TERT: variants seen among roughly 807,000 people sequenced by gnomAD.
The protein encoded by TERT is telomerase reverse transcriptase.
TERT carries 42 observed loss-of-function variants against 104.0 expected under a neutral mutation model. That is an observed-to-expected ratio of 0.40 (90% CI 0.32 to 0.52). The LOEUF is 0.52. TERT is among the 20% of genes least tolerant of loss of function. The pLI, the probability that TERT is intolerant of heterozygous loss-of-function variation, is 0.43. For synonymous variants in TERT, 781 were observed against 725.6 expected (o/e 1.08, Z -1.23); for missense variants, 1,101 against 1,610.3 (o/e 0.68, Z 5.41).
chr5:1,289,165 G>GACAGT (rs1435719511), intron 2 of TERT, among the ~76,000 whole-genome samples: 1 of 150,440 alleles, frequency 6.6e-6, no homozygotes. Flanking sequence ...GACACCCGGG[G>GACAGT]GCCGCAACTC....
At position 1,256,265 on chromosome 5, in the gene TERT, C is replaced by T. The variant is rs898701350; in HGVS notation, c.3033-854G>A. On this transcript the variant is annotated intron_variant, in intron 13 of 15. Transcript: ENST00000310581. The surrounding 1 kb of genome is among the most constrained non-coding windows in gnomAD (Gnocchi z 7.0). ...CTGGGCTCAAGGGATCCTCTCGCCTCGGCCTCCCAAAGTGCTGGGACTACA... is the reference window on the plus strand; with the variant it reads ...CTGGGCTCAAGGGATCCTCTCGCCTTGGCCTCCCAAAGTGCTGGGACTACA... Among the ~76,000 whole-genome samples the T allele has an allele frequency of 2.0e-5, 3 of 152,140 alleles. No homozygotes were observed. Among genetic ancestry groups the T allele is most frequent in the Admixed American group, 6.5e-5 (1 of 15,270 alleles).
rs1749412835 is a variant in TERT at position 1,274,608 on chromosome 5, T to C, written c.2287-2328A>G. Among the ~76,000 whole-genome samples, 1 of 152,186 alleles carries C rather than the reference T, an allele frequency of 6.6e-6. No homozygotes were observed. Among genetic ancestry groups the C allele is most frequent in the Non-Finnish European group, 1.5e-5 (1 of 68,030 alleles). Reference sequence around the variant, plus strand: ...CTCACGCACAGTTCTCAGTAGGGTGTGTGCGCCTCTGAGCACCGCATGCCA... The same window carrying C: ...CTCACGCACAGTTCTCAGTAGGGTGCGTGCGCCTCTGAGCACCGCATGCCA... On this transcript the variant is annotated intron_variant, in intron 6 of 15. Transcript: ENST00000310581. The surrounding 1 kb of genome is among the most constrained non-coding windows in gnomAD (Gnocchi z 5.3).
chr5:1,266,124 C>T lies in TERT; in HGVS notation c.2654+340G>A, dbSNP rs541693927. 1.0e-3 allele frequency among the ~76,000 whole-genome samples: 154 copies of T among 152,156 alleles called. 1 individual carries two copies. In the Middle Eastern group the frequency reaches 0.031, roughly 30 times the overall value. On this transcript the variant is annotated intron_variant, in intron 10 of 15. Transcript: ENST00000310581. ...CCGCCTCGGCCCTGCAGGCCCTGTG[C>T]ACAGCTCCTGGGGGTCTCACTGGGG... is the stretch of plus-strand genomic sequence containing the variant.
In TERT at chr5:1,262,430, T is replaced by C. The variant is rs1368432046; in HGVS notation, c.2844-1830A>G. Among the ~76,000 whole-genome samples, 1 of 152,234 alleles carries C rather than the reference T, an allele frequency of 6.6e-6. No individual in the cohort carries two copies. The highest frequency in any genetic ancestry group is 1.5e-5 in the Non-Finnish European group (1 of 68,032). On this transcript the variant is annotated intron_variant, in intron 11 of 15. Coordinates refer to ENST00000310581, the MANE Select transcript of TERT (RefSeq NM_198253.3). The surrounding 1 kb of genome is among the most constrained non-coding windows in gnomAD (Gnocchi z 5.6). Reference sequence around the variant, plus strand: ...TAAAATCTGGACAAGAAAATTCCCATCTTACCACTTTTCCTTTTTCACTTT... The same window carrying C: ...TAAAATCTGGACAAGAAAATTCCCACCTTACCACTTTTCCTTTTTCACTTT...
rs1751216239 is a variant in TERT, at chr5:1,294,193, A to G, written c.693T>C (p.Ser231=). 7.6e-6 allele frequency: 12 copies of G among 1,582,238 alleles called. No homozygotes were observed. The highest frequency in any genetic ancestry group is 1.0e-5 in the Non-Finnish European group (12 of 1,168,766). Residue 231 remains serine, a synonymous_variant, in exon 2 of 16, where the codon AGT becomes AGC. Transcript: ENST00000310581. Reference sequence around the variant, plus strand: ...GCCTGGGCCTCTTGGGCAACGGCAGACTTCGGCTGGCACTGCCCCCGCGCC... The same window carrying G: ...GCCTGGGCCTCTTGGGCAACGGCAGGCTTCGGCTGGCACTGCCCCCGCGCC... ...ARRRGGSASR[S]LPLPKRPRRG...
At chr5:1,291,569 A>T (rs1750967883) in intron 2 of TERT, among the ~76,000 whole-genome samples, 1 of 121,984 alleles carries the variant, frequency 8.2e-6, no homozygotes, top group Non-Finnish European at 1.8e-5. Flanking sequence ...ACCGCGCCTC[A>T]CTCACCCTGC....
At position 1,294,361 on chromosome 5, in the gene TERT, C is replaced by T. The variant is rs765709243; in HGVS notation, c.525G>A (p.Leu175=). The T allele has an allele frequency of 1.3e-6, 2 of 1,576,208 alleles. No homozygotes were observed. The highest frequency in any genetic ancestry group is 1.7e-6 in the Non-Finnish European group (2 of 1,168,922). The change falls in exon 2 of 16, where the codon CTG becomes CTA. Residue 175 remains leucine, a synonymous_variant. Transcript: ENST00000310581. ...CCTGAGTGGCAGCGCCGAGCTGGTA[C>T]AGCGGCGGCCCGCACACCTGGTAGG... The part of the protein sequence containing the change: ...SCAYQVCGPP[L]YQLGAATQAR...
rs1369405421 is a variant in TERT, at chr5:1,270,165, C to T, written c.2468+954G>A. Among the ~76,000 whole-genome samples the T allele has an allele frequency of 2.0e-5, 3 of 152,204 alleles. No individual in the cohort carries two copies. Among genetic ancestry groups the T allele is most frequent in the Non-Finnish European group, 4.4e-5 (3 of 68,038 alleles). Reference sequence around the variant, plus strand: ...CTGCCATGTGCAATTTGTGTTTTTCCAGAACGTGTGTACTACTTAATATTT... The same window carrying T: ...CTGCCATGTGCAATTTGTGTTTTTCTAGAACGTGTGTACTACTTAATATTT... On this transcript the variant is annotated intron_variant, in intron 8 of 15. Coordinates refer to ENST00000310581, the MANE Select transcript of TERT (RefSeq NM_198253.3). The surrounding 1 kb of genome is among the most constrained non-coding windows in gnomAD (Gnocchi z 8.3).
intron 4 of TERT, 144 bp downstream of exon 4, chr5:1,280,014 G>A (rs994613522): frequency 6.3e-6 from 7 of 1,107,532 alleles, no homozygotes; most frequent in East Asian, 4.7e-5. Flanking sequence ...CCACCTCACT[G>A]TGCGCACAAA....
chr5:1,257,104 C>A lies in TERT; in HGVS notation c.3032+1494G>T, dbSNP rs2126568505. Among the ~76,000 whole-genome samples the A allele has an allele frequency of 6.6e-6, 1 of 152,278 alleles. No homozygotes were observed. Among genetic ancestry groups the A allele is most frequent in the South Asian group, 2.1e-4 (1 of 4,820 alleles). The stretch of plus-strand genomic sequence containing the variant: ...GGAAACGGCCCGTGGCCCATCGCAT[C>A]TCGGCCTCCTCAGGGCTACCCAATC... On this transcript the variant is annotated intron_variant, in intron 13 of 15. Transcript: ENST00000310581. This position sits in a 1 kb window ranked among gnomAD's most constrained non-coding sequence, Gnocchi z 5.6.
rs1750122843 is a variant in TERT at position 1,282,749 on chromosome 5, C to T, written c.1574-125G>A. The T allele has an allele frequency of 1.2e-5, 11 of 943,302 alleles. 1 individual carries two copies. The highest frequency in any genetic ancestry group is 1.8e-5 in the Non-Finnish European group (11 of 607,208). The allele number at this position is 943,302 out of a possible 1,614,324, so 58.4% of individuals were successfully genotyped here. A position where few individuals can be genotyped will look rare whatever the true frequency, so the allele number is the denominator to read the frequency against. ...GCCTGGCGACCTCACCCCAGACCTG[C>T]ACCATCCGGACACGGCACATCCAGC... On this transcript the variant is annotated intron_variant, in intron 2 of 15. Coordinates refer to ENST00000310581, the MANE Select transcript of TERT (RefSeq NM_198253.3).
At chr5:1,259,910 G>A (rs1332225082) in intron 12 of TERT, among the ~76,000 whole-genome samples, 1 of 148,188 alleles carries the variant, frequency 6.7e-6, no homozygotes. Context: ...CACAGGAGAG[G>A]GAGTGGATGC....
At chr5:1,272,769 C>T (rs6860815) in intron 6 of TERT, among the ~76,000 whole-genome samples, 6 of 8,698 alleles carry the variant, frequency 6.9e-4, no homozygotes, top group African/African-American at 3.5e-3. Flanking sequence ...GACCCCACGA[C>T]CGCCATCCAC....
At chr5:1,283,421 C>A (rs1750200390) in intron 2 of TERT, among the ~76,000 whole-genome samples, 1 of 147,342 alleles carries the variant, frequency 6.8e-6, no homozygotes, top group South Asian at 2.2e-4. Flanking sequence ...TCACCCCGGA[C>A]CTGCACCATC....
At position 1,268,591 on chromosome 5, in the gene TERT, G is replaced by T. The variant is rs374940572; in HGVS notation, c.2511C>A (p.Leu837=). The T allele has an allele frequency of 3.1e-6, 5 of 1,613,380 alleles. No individual in the cohort carries two copies. The highest frequency in any genetic ancestry group is 4.2e-6 in the Non-Finnish European group (5 of 1,180,008). The change falls in exon 9 of 16, where the codon CTC becomes CTA. Residue 837 remains leucine (L), a synonymous_variant. Transcript: ENST00000310581. The surrounding 1 kb of genome is among the most constrained non-coding windows in gnomAD (Gnocchi z 5.5). ...AGCACAGGCTGCAGAGCAGCGTGGA[G>T]AGGATGGAGCCCTGCGGGATCCCCT... ...QCQGIPQGSI[L]STLLCSLCYG...
At chr5:1,258,470 C>T (rs960072923) in intron 13 of TERT, 128 bp downstream of exon 13, 1 of 825,734 alleles carries the variant, frequency 1.2e-6, no homozygotes, top group African/African-American at 1.7e-5. Context: ...GGCAGCAGCA[C>T]CACTGAAAAC....
Position 1,294,059 on chromosome 5 carries a change from G to T in TERT, c.827C>A (p.Ala276Asp). ...SDRGFCVVSP[A>D]RPAEEATSLE... ...AGAGGTGGCTTCTTCGGCGGGTCTG[G>T]CAGGTGACACCACACAGAAACCACG... The change falls in exon 2 of 16, where the codon GCC becomes GAC. Residue 276 changes from alanine (A) to aspartate (D), a missense_variant. Transcript: ENST00000310581. 1 of 1,589,198 alleles carries T rather than the reference G, an allele frequency of 6.3e-7. No homozygotes were observed. The highest frequency in any genetic ancestry group is 8.5e-7 in the Non-Finnish European group (1 of 1,170,306).
rs766304267 is a variant in TERT at position 1,265,871 on chromosome 5, G to A, written c.2654+593C>T. ...ACCACATTGGACAATCCCCTGTGCT[G>A]AGGCCAGGTCCCCTGTGCCTGATTT... On this transcript the variant is annotated intron_variant, in intron 10 of 15. Coordinates refer to ENST00000310581, the MANE Select transcript of TERT (RefSeq NM_198253.3). The surrounding 1 kb of genome is among the most constrained non-coding windows in gnomAD (Gnocchi z 6.9). Among the ~76,000 whole-genome samples the A allele has an allele frequency of 2.0e-5, 3 of 152,160 alleles. No individual in the cohort carries two copies. Among genetic ancestry groups the A allele is most frequent in the Non-Finnish European group, 4.4e-5 (3 of 68,032 alleles).
In TERT at chr5:1,253,352, G is replaced by A; in HGVS notation, c.*376C>T. 2 of 421,322 alleles carry A rather than the reference G, an allele frequency of 4.7e-6. No individual in the cohort carries two copies. The highest frequency in any genetic ancestry group is 4.1e-5 in the East Asian group (1 of 24,256). The allele number at this position is 421,322 out of a possible 1,614,324, so 26.1% of individuals were successfully genotyped here. A position where few individuals can be genotyped will look rare whatever the true frequency, so the allele number is the denominator to read the frequency against. On this transcript the variant is annotated 3_prime_UTR_variant, in exon 16 of 16. Transcript: ENST00000310581. The stretch of plus-strand genomic sequence containing the variant: ...TCAGGGTCTCCACCTGGATGGTGGG[G>A]GTGGAAGGCAAAGGAGGGCAGGGCG...
Sources: allele counts gnomAD v4.1 joint callset (sites outside exome capture counted in the v4.1 genomes callset), GRCh38; gene constraint gnomAD v4.1.1; non-coding constraint Gnocchi (gnomAD v3.1); transcripts MANE v1.5; gene names NCBI Gene and HGNC (gene_info 2026-07-23, HGNC 2026-07-21).